The following INTS15 variants were observed in gnomAD, a reference collection of about 807,000 sequenced individuals.
INTS15 encodes uncharacterized protein C7orf26.
chr7:6,593,254 G>A, the INTS15 span, among the ~76,000 whole-genome samples: 2 of 151,384 alleles, frequency 1.3e-5, no homozygotes, highest in Non-Finnish European at 2.9e-5. Flanking sequence ...GTAAGCAAAC[G>A]AATAAGCGCG....
the INTS15 span, among the ~76,000 whole-genome samples, chr7:6,597,476 G>A: frequency 6.6e-6 from 1 of 152,036 alleles, no homozygotes; most frequent in Admixed American, 6.6e-5. Context: ...TGTATTTTTC[G>A]TGGAGTCAGG....
chr7:6,597,750 T>G, the INTS15 span, among the ~76,000 whole-genome samples: 1 of 152,142 alleles, frequency 6.6e-6, no homozygotes, highest in African/African-American at 2.4e-5. Flanking sequence ...CTTAAGCCAG[T>G]ATGTCCGTTG....
chr7:6,607,371 C>T, the INTS15 span, among the ~76,000 whole-genome samples: 20 of 141,520 alleles, frequency 1.4e-4, no homozygotes, highest in East Asian at 4.7e-3. The surrounding 1 kb of genome is among the most constrained non-coding windows in gnomAD (Gnocchi z 6.0). Context: ...TCTCGGAGCC[C>T]CGGTGCTGGG....
chr7:6,595,182 C>T, the INTS15 span, among the ~76,000 whole-genome samples: 8 of 152,166 alleles, frequency 5.3e-5, no homozygotes, highest in African/African-American at 1.4e-4. Flanking sequence ...CAGGTGCATG[C>T]CACCACGCCT....
the INTS15 span, among the ~76,000 whole-genome samples, chr7:6,604,576 A>G: frequency 2.6e-5 from 4 of 152,256 alleles, no homozygotes; most frequent in African/African-American, 7.2e-5. Context: ...CAGTGTGGAC[A>G]GAGGGTCAGT....
the INTS15 span, chr7:6,607,487 GGC>G: frequency 7.8e-7 from 1 of 1,285,030 alleles, no homozygotes; most frequent in African/African-American, 1.5e-5. The surrounding 1 kb of genome is among the most constrained non-coding windows in gnomAD (Gnocchi z 6.0). Context: ...GCTGGGTCCA[GGC>G]CTGGGCCGTC....
chr7:6,604,445 A>G, the INTS15 span, among the ~76,000 whole-genome samples: 1 of 152,164 alleles, frequency 6.6e-6, no homozygotes, highest in African/African-American at 2.4e-5. Context: ...CCCTGTGCAC[A>G]TGGACAGGGT....
At chr7:6,591,267 TC>T in the INTS15 span, among the ~76,000 whole-genome samples, 6 of 142,788 alleles carry the variant, frequency 4.2e-5, no homozygotes, top group Admixed American at 2.3e-4. Context: ...TTCCTGTTTT[TC>T]TTTTTTTTTT....
chr7:6,594,610 A>C, the INTS15 span: 1 of 1,613,420 alleles, frequency 6.2e-7, no homozygotes, highest in South Asian at 1.1e-5. Context: ...GGTAAACTTT[A>C]AACAGGTTAT....
chr7:6,593,171 G>A, the INTS15 span, among the ~76,000 whole-genome samples: 2 of 152,102 alleles, frequency 1.3e-5, no homozygotes, highest in Non-Finnish European at 2.9e-5. Context: ...AACTGTCTTC[G>A]GCTTTGCGGG....
chr7:6,600,475 T>C, the INTS15 span: 2 of 1,077,848 alleles, frequency 1.9e-6, no homozygotes, highest in Non-Finnish European at 2.6e-6. Context: ...TTCCTCCTAG[T>C]GAACACAGGG....
At chr7:6,591,087 T>C in the INTS15 span, among the ~76,000 whole-genome samples, 1 of 152,026 alleles carries the variant, frequency 6.6e-6, no homozygotes, top group Admixed American at 6.6e-5. Context: ...TTCTCTCTCC[T>C]TGGCCTCCAA....
At chr7:6,598,783 GTGTA>G in the INTS15 span, among the ~76,000 whole-genome samples, 20 of 92,894 alleles carry the variant, frequency 2.2e-4, no homozygotes, top group East Asian at 3.7e-3. Context: ...GTGTGTGTGT[GTGTA>G]TTTTTTTTTT....
At chr7:6,590,444 A>C in the INTS15 span, 1 of 1,597,552 alleles carries the variant, frequency 6.3e-7, no homozygotes, top group Non-Finnish European at 8.5e-7. Flanking sequence ...TTCGTGTTCC[A>C]GGTGCCCAAG....
the INTS15 span, among the ~76,000 whole-genome samples, chr7:6,603,728 A>G: frequency 6.6e-6 from 1 of 152,310 alleles, no homozygotes; most frequent in Non-Finnish European, 1.5e-5. Context: ...AATCCCAGCT[A>G]CTTGGGAGGC....
the INTS15 span, chr7:6,608,229 C>G: frequency 9.8e-6 from 15 of 1,524,966 alleles, no homozygotes; most frequent in Non-Finnish European, 1.2e-5. Flanking sequence ...GGTGGCCGGA[C>G]TCCCAGAAGA....
At chr7:6,602,118 T>C in the INTS15 span, 2 of 1,613,412 alleles carry the variant, frequency 1.2e-6, no homozygotes, top group Non-Finnish European at 1.7e-6. Flanking sequence ...GAGAACCTTG[T>C]GCTCCAGGCT....
the INTS15 span, chr7:6,600,013 A>C: frequency 6.2e-7 from 1 of 1,614,156 alleles, no homozygotes; most frequent in Non-Finnish European, 8.5e-7. Flanking sequence ...TGGCTTATAA[A>C]AGGAAAAAGA....
chr7:6,593,443 G>A, the INTS15 span, among the ~76,000 whole-genome samples: 1 of 149,294 alleles, frequency 6.7e-6, no homozygotes, highest in Non-Finnish European at 1.5e-5. Context: ...CTAGTCTCCT[G>A]CCTCAGCCTC....
Sources: gnomAD v4.1 joint callset for allele counts (sites outside exome capture counted in the v4.1 genomes callset) on GRCh38, gnomAD v4.1.1 for gene constraint, Gnocchi (gnomAD v3.1) non-coding constraint, MANE v1.5 for transcripts, NCBI Gene and HGNC (gene_info 2026-07-23, HGNC 2026-07-21) for gene names.